The following NXPE2 variants were observed in gnomAD, a reference collection of about 807,000 sequenced individuals.
NXPE2 encodes neurexophilin and PC-esterase domain family member 2, also known as NXPE family member 2.
Under a neutral mutation model 34.4 loss-of-function variants are expected in NXPE2, and 34 were observed. The observed-to-expected ratio is 0.99, with a 90% CI of 0.75 to 1.31. NXPE2 has a LOEUF of 1.31. Ranked by LOEUF, NXPE2 falls within the 40% of genes most tolerant of loss-of-function variation. NXPE2 has a pLI of 0.00. For synonymous variants in NXPE2, 235 were observed against 231.3 expected (o/e 1.02, Z -0.15); for missense variants, 649 against 672.5 (o/e 0.97, Z 0.39).
At chr11:114,643,238 T>TCTTTA in the NXPE2 span, among the ~76,000 whole-genome samples, 4 of 152,150 alleles carry the variant, frequency 2.6e-5, no homozygotes, top group African/African-American at 9.6e-5. Context: ...TTTCTTTTGC[T>TCTTTA]GTGCAGAAGC....
At chr11:114,711,936 A>T (rs1351462131), downstream of NXPE2, among the ~76,000 whole-genome samples, 1 of 152,186 alleles carries the variant, frequency 6.6e-6, no homozygotes, top group East Asian at 1.9e-4. Flanking sequence ...AAAGCCCAGA[A>T]ATAAACCCTG....
the NXPE2 span, among the ~76,000 whole-genome samples, chr11:114,620,045 C>T: frequency 9.2e-5 from 14 of 152,098 alleles, no homozygotes; most frequent in East Asian, 3.9e-4. Context: ...ACTACTGCCT[C>T]GTGGGTAACC....
the NXPE2 span, among the ~76,000 whole-genome samples, chr11:114,516,902 G>C: frequency 1.1e-4 from 17 of 152,080 alleles, no homozygotes; most frequent in Admixed American, 1.1e-3. Flanking sequence ...CCCCATCCCT[G>C]GGGTGGGTGG....
chr11:114,679,770 G>A lies in NXPE2; in HGVS notation c.132+8G>A. The A allele has an allele frequency of 1.3e-6, 2 of 1,515,852 alleles. No individual in the cohort carries two copies. The highest frequency in any genetic ancestry group is 1.2e-5 in the South Asian group (1 of 82,518). The allele number at this position is 1,515,852 out of a possible 1,614,324, so 93.9% of individuals were successfully genotyped here. The stretch of plus-strand genomic sequence containing the variant: ...TCAAAAGACCACACAAAGGTAGGAA[G>A]TTTCATTTTTAAGAATTTCACAGAA... On this transcript the variant is annotated splice_region_variant and intron_variant, in intron 2 of 5. Coordinates refer to ENST00000389586, the MANE Select transcript of NXPE2 (RefSeq NM_182495.6).
At chr11:114,581,850 T>A in the NXPE2 span, 2 of 1,090,914 alleles carry the variant, frequency 1.8e-6, no homozygotes, top group Non-Finnish European at 2.8e-6. Context: ...ATACAGAAAC[T>A]AGATTATCCA....
chr11:114,466,690 G>A, the NXPE2 span, among the ~76,000 whole-genome samples: 1 of 152,028 alleles, frequency 6.6e-6, no homozygotes, highest in African/African-American at 2.4e-5. Context: ...TATTTAGGGT[G>A]GTATCATTCC....
the NXPE2 span, among the ~76,000 whole-genome samples, chr11:114,612,869 G>A: frequency 1.6e-4 from 24 of 151,814 alleles, no homozygotes; most frequent in Middle Eastern, 3.5e-3. Context: ...ATGTTACCCC[G>A]TGGATAATAA....
At chr11:114,767,752 G>A in the NXPE2 span, among the ~76,000 whole-genome samples, 1 of 152,124 alleles carries the variant, frequency 6.6e-6, no homozygotes, top group Non-Finnish European at 1.5e-5. Flanking sequence ...CATTGTACAT[G>A]ATTGTAAGAA....
the NXPE2 span, among the ~76,000 whole-genome samples, chr11:114,736,817 A>G: frequency 6.6e-6 from 1 of 152,234 alleles, no homozygotes; most frequent in Non-Finnish European, 1.5e-5. Context: ...AATTTGGGGA[A>G]CTAATAAATG....
At chr11:114,682,022 G>A (rs962937932) in intron 2 of NXPE2, among the ~76,000 whole-genome samples, 15 of 152,156 alleles carry the variant, frequency 9.9e-5, no homozygotes, top group African/African-American at 3.4e-4. Flanking sequence ...TTTAACCAAA[G>A]TGATAACTCA....
the NXPE2 span, chr11:114,551,310 T>C: frequency 7.3e-7 from 1 of 1,367,036 alleles, no homozygotes; most frequent in African/African-American, 1.5e-5. Flanking sequence ...CAACATTTTG[T>C]TCTCCTTTTG....
chr11:114,513,247 G>A, the NXPE2 span: 2,628 of 523,170 alleles, frequency 5.0e-3, 49 homozygotes, highest in African/African-American at 0.045. Context: ...GGTTGAGGAT[G>A]GTGGCTGTGC....
At chr11:114,691,110 T>C (rs1425379902) in intron 2 of NXPE2, among the ~76,000 whole-genome samples, 1 of 152,158 alleles carries the variant, frequency 6.6e-6, no homozygotes, top group Non-Finnish European at 1.5e-5. Flanking sequence ...ACATTGTTTG[T>C]GAGTGAATGG....
chr11:114,582,562 C>T, the NXPE2 span: 6 of 1,614,188 alleles, frequency 3.7e-6, no homozygotes, highest in Non-Finnish European at 5.1e-6. Flanking sequence ...GACACCCCTT[C>T]ACTGGGGTGG....
chr11:114,753,546 TGTA>T, the NXPE2 span, among the ~76,000 whole-genome samples: 3 of 152,356 alleles, frequency 2.0e-5, no homozygotes, highest in Admixed American at 2.0e-4. Context: ...GTGACATAGT[TGTA>T]GTGTAAATTA....
At chr11:114,651,253 T>C in the NXPE2 span, among the ~76,000 whole-genome samples, 2 of 152,088 alleles carry the variant, frequency 1.3e-5, no homozygotes, top group East Asian at 3.9e-4. Flanking sequence ...TGTTCAGATG[T>C]GTCCGGAGTT....
chr11:114,515,363 C>T, the NXPE2 span, among the ~76,000 whole-genome samples: 1 of 152,100 alleles, frequency 6.6e-6, no homozygotes, highest in African/African-American at 2.4e-5. Flanking sequence ...TCTAGAGAAA[C>T]AATTTTGCTT....
At chr11:114,535,393 C>G in the NXPE2 span, among the ~76,000 whole-genome samples, 3 of 152,256 alleles carry the variant, frequency 2.0e-5, no homozygotes, top group Non-Finnish European at 4.4e-5. Context: ...AAATAACCAG[C>G]TAACATCATA....
the NXPE2 span, among the ~76,000 whole-genome samples, chr11:114,600,356 A>C: frequency 6.6e-6 from 1 of 152,134 alleles, no homozygotes; most frequent in Non-Finnish European, 1.5e-5. Flanking sequence ...AATTGAAACA[A>C]AAATAGTTAT....
Sources: gnomAD v4.1 joint callset for allele counts (sites outside exome capture counted in the v4.1 genomes callset) on GRCh38, gnomAD v4.1.1 for gene constraint, MANE v1.5 for transcripts, NCBI Gene and HGNC (gene_info 2026-07-23, HGNC 2026-07-21) for gene names.